ASH1L: variants seen among roughly 807,000 people sequenced by gnomAD.
The protein encoded by ASH1L is histone-lysine N-methyltransferase ASH1L.
In ASH1L, 23 loss-of-function variants were observed where a neutral mutation model predicts 269.0. That is an observed-to-expected ratio of 0.09 (90% CI 0.06 to 0.12). ASH1L has a LOEUF of 0.12. ASH1L is among the 10% of genes least tolerant of loss of function. The probability of loss-of-function intolerance (pLI) is 1.00; values close to 1 mark genes in which losing one functional copy is unlikely to be tolerated. For missense variants in ASH1L, 2,912 were observed against 3,567.8 expected (o/e 0.82, Z 4.68); for synonymous variants, 1,187 against 1,253.5 (o/e 0.95, Z 1.12).
chr1:155,401,143 AGAGT>A (rs1343379261), intron 6 of ASH1L, among the ~76,000 whole-genome samples: 1 of 151,824 alleles, frequency 6.6e-6, no homozygotes, highest in Non-Finnish European at 1.5e-5. Flanking sequence ...CCAGGGTGAC[AGAGT>A]GAGACTCTCT....
intron 2 of ASH1L, among the ~76,000 whole-genome samples, chr1:155,498,765 T>C (rs1667317931): frequency 6.6e-6 from 1 of 152,082 alleles, no homozygotes; most frequent in African/African-American, 2.4e-5. Context: ...TAAAAATGTT[T>C]TGTAGAGACA....
At chr1:155,371,363 C>T (rs1655926361) in intron 10 of ASH1L, among the ~76,000 whole-genome samples, 1 of 152,020 alleles carries the variant, frequency 6.6e-6, no homozygotes, top group African/African-American at 2.4e-5. Context: ...GCCTGGCCAA[C>T]ATGGTGAAAC....
intron 4 of ASH1L, 60 bp from the exon 5 acceptor site, chr1:155,439,128 G>A: frequency 6.7e-7 from 1 of 1,499,592 alleles, no homozygotes; most frequent in Non-Finnish European, 9.0e-7. Flanking sequence ...ATTTAAATAA[G>A]TTTTTACACA....
intron 10 of ASH1L, among the ~76,000 whole-genome samples, chr1:155,375,975 G>A (rs531862384): frequency 2.6e-5 from 4 of 152,148 alleles, no homozygotes; most frequent in Non-Finnish European, 4.4e-5. Context: ...GTGGTGACAC[G>A]CGTCTTTAGT....
intron 6 of ASH1L, among the ~76,000 whole-genome samples, chr1:155,411,578 AATAAATAAATATAT>A (rs1659772194): frequency 2.4e-4 from 5 of 21,128 alleles, no homozygotes; most frequent in African/African-American, 5.1e-4. Context: ...AATATAAATA[AATAAATAAATATAT>A]ATATATATAT....
intron 12 of ASH1L, among the ~76,000 whole-genome samples, chr1:155,363,337 G>A (rs903577565): frequency 2.6e-5 from 4 of 151,868 alleles, no homozygotes. Flanking sequence ...GTACAGTGGC[G>A]CAATCTCAGC....
At chr1:155,494,826 G>A (rs970680165) in intron 2 of ASH1L, among the ~76,000 whole-genome samples, 1 of 152,120 alleles carries the variant, frequency 6.6e-6, no homozygotes, top group Admixed American at 6.6e-5. Flanking sequence ...GGACATAACC[G>A]AGTGAGGGTG....
chr1:155,496,605 C>G (rs1399800716), intron 2 of ASH1L, among the ~76,000 whole-genome samples: 1 of 152,106 alleles, frequency 6.6e-6, no homozygotes, highest in African/African-American at 2.4e-5. Flanking sequence ...TAAATCCTCA[C>G]GTATACACGA....
chr1:155,417,733 CG>C (rs1558082363), intron 5 of ASH1L, among the ~76,000 whole-genome samples: 1 of 151,998 alleles, frequency 6.6e-6, no homozygotes, highest in Non-Finnish European at 1.5e-5. Context: ...CTGAGACAGG[CG>C]GATCACCTGA....
intron 2 of ASH1L, among the ~76,000 whole-genome samples, chr1:155,504,884 CAGCTATAAATGACAG>C (rs1405217193): frequency 6.6e-6 from 1 of 150,422 alleles, no homozygotes; most frequent in African/African-American, 2.4e-5. Context: ...TTTACCATTA[CAGCTATAAATGACAG>C]GGCCCCTACT....
At chr1:155,487,973 C>A (rs948501953) in intron 2 of ASH1L, among the ~76,000 whole-genome samples, 2 of 151,688 alleles carry the variant, frequency 1.3e-5, no homozygotes, top group African/African-American at 2.4e-5. Context: ...CTGCAACCTC[C>A]GCCTCCCGGG....
At chr1:155,433,498 C>T in intron 5 of ASH1L, 1 of 1,610,558 alleles carries the variant, frequency 6.2e-7, no homozygotes, top group Non-Finnish European at 8.5e-7. Flanking sequence ...TGGAGAGCAA[C>T]TCCGATGGCA....
intron 2 of ASH1L, among the ~76,000 whole-genome samples, chr1:155,495,307 T>C (rs1386081262): frequency 6.6e-6 from 1 of 152,148 alleles, no homozygotes; most frequent in Admixed American, 6.5e-5. Context: ...TGTATGATCA[T>C]AGTGTGTAAT....
Position 155,478,277 on chromosome 1 carries a change from C to T in ASH1L, c.4593G>A (p.Lys1531=). 2 of 1,614,080 alleles carry T rather than the reference C, an allele frequency of 1.2e-6. No homozygotes were observed. Among genetic ancestry groups the T allele is most frequent in the Non-Finnish European group, 1.7e-6 (2 of 1,180,022 alleles). The change falls in exon 3 of 28, where the codon AAG becomes AAA. Residue 1531 remains lysine (K), a synonymous_variant. Transcript: ENST00000392403. This position sits in a 1 kb window ranked among gnomAD's most constrained non-coding sequence, Gnocchi z 4.6. Reference sequence around the variant, plus strand: ...AGGACATGTGACAACGGTGCTTTTCCTTATGCTTATATCGCTCTCCAACAG... The same window carrying T: ...AGGACATGTGACAACGGTGCTTTTCTTTATGCTTATATCGCTCTCCAACAG... ...KDAVGERYKH[K]EKHRCHMSCP...
intron 3 of ASH1L, among the ~76,000 whole-genome samples, chr1:155,475,274 C>G (rs372245847): frequency 6.6e-6 from 1 of 152,046 alleles, no homozygotes; most frequent in African/African-American, 2.4e-5. Flanking sequence ...GTAGCTGGGA[C>G]TACAGGCACG....
rs568994207 is a variant in ASH1L at position 155,518,090 on chromosome 1, A to G, written c.420+3010T>C. Among the ~76,000 whole-genome samples the G allele has an allele frequency of 1.6e-4, 25 of 152,192 alleles. No homozygotes were observed. The South Asian group carries it at 4.8e-3, about 29-fold the overall frequency. ...GCTGGGATTACAGGCGTGAGCCACC[A>G]CGCCCGGCCCAATAATTTCTTTAAC... On this transcript the variant is annotated intron_variant, in intron 2 of 27. Transcript: ENST00000392403.
chr1:155,559,505 A>C (rs539620623), intron 1 of ASH1L, among the ~76,000 whole-genome samples: 1 of 149,820 alleles, frequency 6.7e-6, no homozygotes, highest in East Asian at 2.0e-4. Flanking sequence ...ACTGCACTCC[A>C]GCCTGTTAAC....
chr1:155,462,153 A>G (rs917446864), intron 3 of ASH1L, among the ~76,000 whole-genome samples: 3 of 152,204 alleles, frequency 2.0e-5, no homozygotes, highest in Non-Finnish European at 4.4e-5. Context: ...AACATTTATT[A>G]AGTGAGTATA....
Position 155,441,094 on chromosome 1 carries a change from T to C in ASH1L, c.5087-2026A>G, listed in dbSNP as rs552846707. Reference sequence around the variant, plus strand: ...ACAGCCATCAAGACTAAGATAATGTTATCTCCCTGCCCTGAAGCAATAGTG... The same window carrying C: ...ACAGCCATCAAGACTAAGATAATGTCATCTCCCTGCCCTGAAGCAATAGTG... On this transcript the variant is annotated intron_variant, in intron 4 of 27. Transcript: ENST00000392403. 2.6e-5 allele frequency among the ~76,000 whole-genome samples: 4 copies of C among 152,308 alleles called. No individual in the cohort carries two copies. In the East Asian group the frequency reaches 7.7e-4, roughly 29 times the overall value.
Sources: allele counts gnomAD v4.1 joint callset (sites outside exome capture counted in the v4.1 genomes callset), GRCh38; gene constraint gnomAD v4.1.1; non-coding constraint Gnocchi (gnomAD v3.1); transcripts MANE v1.5; gene names NCBI Gene and HGNC (gene_info 2026-07-23, HGNC 2026-07-21).